ANKRD30BL: variants seen among roughly 807,000 people sequenced by gnomAD.
The protein encoded by ANKRD30BL is putative ankyrin repeat domain-containing protein 30B-like.
ANKRD30BL carries 20 observed loss-of-function variants against 18.4 expected under a neutral mutation model. That is an observed-to-expected ratio of 1.09 (90% CI 0.77 to 1.58). The LOEUF (loss-of-function observed/expected upper bound fraction) is 1.58. Ranked by LOEUF, ANKRD30BL falls within the 40% of genes most tolerant of loss-of-function variation. The pLI, the probability that ANKRD30BL is intolerant of heterozygous loss-of-function variation, is 0.00. For synonymous variants in ANKRD30BL, 72 were observed against 100.9 expected, an observed-to-expected ratio of 0.71 and a Z score of 1.72; for missense variants, 224 against 268.6, an observed-to-expected ratio of 0.83 and a Z score of 1.16.
At position 132,172,850 on chromosome 2, in the gene ANKRD30BL, G is replaced by C. The variant is rs938734199; in HGVS notation, n.442-15704C>G. ...AGCCTCCCAAGTAGCTGGGATTACA[G>C]GTGCACACCACCATGCCCAGCTAAT... is the stretch of plus-strand genomic sequence containing the variant. On this transcript the variant is annotated intron_variant and non_coding_transcript_variant, in intron 1 of 4. Transcript: ENST00000470729. Among the ~76,000 whole-genome samples the C allele has an allele frequency of 2.6e-5, 4 of 151,958 alleles. No homozygotes were observed. In the East Asian group the frequency reaches 7.7e-4, roughly 29 times the overall value.
intron 1 of ANKRD30BL, among the ~76,000 whole-genome samples, chr2:132,249,671 G>A (rs1373357709): frequency 3.3e-5 from 5 of 152,054 alleles, no homozygotes; most frequent in Non-Finnish European, 7.4e-5. Flanking sequence ...TGGCCTCCAA[G>A]TGCTTGCAAA....
rs550003032 is a variant in ANKRD30BL, at chr2:132,201,903, T to G, written n.442-44757A>C. 3.9e-5 allele frequency among the ~76,000 whole-genome samples: 6 copies of G among 152,282 alleles called. No homozygotes were observed. The East Asian group carries it at 1.2e-3, about 29-fold the overall frequency. The stretch of plus-strand genomic sequence containing the variant: ...ACTTGGAACCAACCCAAATGTCCAA[T>G]AATGATAGACTGGATTAAGAAAATG... On this transcript the variant is annotated intron_variant and non_coding_transcript_variant, in intron 1 of 4. Transcript: ENST00000470729.
At chr2:132,213,898 T>G (rs1304988075) in intron 1 of ANKRD30BL, among the ~76,000 whole-genome samples, 1 of 152,110 alleles carries the variant, frequency 6.6e-6, no homozygotes, top group East Asian at 1.9e-4. Context: ...ACATTTCTTT[T>G]GATTAAGCAG....
intron 1 of ANKRD30BL, among the ~76,000 whole-genome samples, chr2:132,227,626 C>G (rs1679882540): frequency 6.6e-6 from 1 of 152,108 alleles, no homozygotes; most frequent in Admixed American, 6.6e-5. Context: ...TTAAAACTTT[C>G]TTTTGATTGG....
At position 132,161,643 on chromosome 2, in the gene ANKRD30BL, G is replaced by A. The variant is rs762693422; in HGVS notation, c.63C>T (p.Phe21=). The change falls in exon 1 of 6, where the codon TTC becomes TTT. Residue 21 remains phenylalanine (F), a synonymous_variant. Coordinates refer to ENST00000409867, the MANE Select transcript of ANKRD30BL (RefSeq NM_001358416.1). The stretch of plus-strand genomic sequence containing the variant: ...CGTTGTTGGTGTAGACCAGCTGACT[G>A]AAGGGGCTCGGGCGCTCTGGGCCCG... ...GQTGPERPSP[F]SQLVYTNNDS... is the part of the protein sequence containing the mutation. 4 of 1,453,032 alleles carry A rather than the reference G, an allele frequency of 2.8e-6. No homozygotes were observed. The South Asian group carries it at 4.9e-5, about 18-fold the overall frequency. 90.0% of individuals were successfully genotyped at this position (1,453,032 alleles called of 1,614,324 possible). A position where few individuals can be genotyped will look rare whatever the true frequency, so the allele number is the denominator to read the frequency against.
intron 1 of ANKRD30BL, among the ~76,000 whole-genome samples, chr2:132,222,550 T>C (rs1157250130): frequency 6.6e-6 from 1 of 152,054 alleles, no homozygotes; most frequent in East Asian, 1.9e-4. Flanking sequence ...AACCCTGTGC[T>C]CTCTGAAACA....
At chr2:132,256,742 C>G (rs77238056) in intron 1 of ANKRD30BL, among the ~76,000 whole-genome samples, 1 of 152,252 alleles carries the variant, frequency 6.6e-6, no homozygotes, top group Non-Finnish European at 1.5e-5. Flanking sequence ...GACCTGGTCC[C>G]GAAGGCGCAC....
intron 1 of ANKRD30BL, among the ~76,000 whole-genome samples, chr2:132,203,462 A>T (rs1679150135): frequency 6.6e-6 from 1 of 152,186 alleles, no homozygotes. Flanking sequence ...TGTTCAATAG[A>T]AACAATGAGA....
At chr2:132,255,941 C>G (rs1573903197) in intron 1 of ANKRD30BL, among the ~76,000 whole-genome samples, 1 of 152,126 alleles carries the variant, frequency 6.6e-6, no homozygotes, top group Non-Finnish European at 1.5e-5. Context: ...CGGCCGGGGA[C>G]GGAGAGGGGC....
intron 1 of ANKRD30BL, among the ~76,000 whole-genome samples, chr2:132,196,591 G>A (rs1334171755): frequency 1.3e-5 from 2 of 152,128 alleles, no homozygotes; most frequent in African/African-American, 4.8e-5. Context: ...TTCTAGACCA[G>A]GCTGACCAAC....
At position 132,237,018 on chromosome 2, in the gene ANKRD30BL, C is replaced by T. The variant is rs1406490441; in HGVS notation, n.441+20511G>A. 9.3e-5 allele frequency among the ~76,000 whole-genome samples: 14 copies of T among 151,124 alleles called. No individual in the cohort carries two copies. In the South Asian group the frequency reaches 1.5e-3, roughly 16 times the overall value. ...GAAATCATCATTCTCAGTAAACTAT[C>T]GCAAGAACAAAAAACCAAACACTGC... On this transcript the variant is annotated intron_variant and non_coding_transcript_variant, in intron 1 of 4. Coordinates refer to the ANKRD30BL transcript ENST00000470729.
intron 1 of ANKRD30BL, among the ~76,000 whole-genome samples, chr2:132,183,695 A>G (rs953782845): frequency 8.5e-5 from 13 of 152,084 alleles, no homozygotes; most frequent in African/African-American, 1.9e-4. Flanking sequence ...GTGTGTGTGT[A>G]TATATGTGTA....
intron 1 of ANKRD30BL, among the ~76,000 whole-genome samples, chr2:132,187,006 C>A (rs1033225624): frequency 8.6e-5 from 13 of 151,778 alleles, no homozygotes; most frequent in Non-Finnish European, 1.6e-4. Flanking sequence ...AAGAATATTT[C>A]TGTGTTGGGA....
At chr2:132,254,709 A>G (rs1573901418) in intron 1 of ANKRD30BL, among the ~76,000 whole-genome samples, 1 of 152,386 alleles carries the variant, frequency 6.6e-6, no homozygotes, top group East Asian at 1.9e-4. Flanking sequence ...ATTTAAGGGC[A>G]TCACAGACCT....
At chr2:132,219,291 C>G (rs1309594967) in intron 1 of ANKRD30BL, among the ~76,000 whole-genome samples, 3 of 149,334 alleles carry the variant, frequency 2.0e-5, no homozygotes, top group Non-Finnish European at 4.4e-5. Flanking sequence ...TGCTTACCAG[C>G]CTTCGCTGGA....
At chr2:132,220,512 C>T (rs1258219277) in intron 1 of ANKRD30BL, among the ~76,000 whole-genome samples, 12 of 152,052 alleles carry the variant, frequency 7.9e-5, no homozygotes, top group East Asian at 1.9e-4. Context: ...TGCAGGCGCG[C>T]GTCGCCACGC....
At chr2:132,241,388 T>C (rs79497008) in intron 1 of ANKRD30BL, among the ~76,000 whole-genome samples, 1 of 151,686 alleles carries the variant, frequency 6.6e-6, no homozygotes, top group Non-Finnish European at 1.5e-5. Flanking sequence ...AACTTCTTTG[T>C]GATGTTTCTA....
intron 1 of ANKRD30BL, among the ~76,000 whole-genome samples, chr2:132,215,553 T>C (rs1281451224): frequency 6.6e-6 from 1 of 152,228 alleles, no homozygotes; most frequent in Admixed American, 6.6e-5. Flanking sequence ...AGAAGCATTC[T>C]GACAAATTAC....
At chr2:132,155,924 G>GAA (rs1392417279) in intron 3 of ANKRD30BL, 1 of 149,434 alleles carries the variant, frequency 6.7e-6, no homozygotes, top group African/African-American at 2.5e-5. Context: ...AAGAAAAAAA[G>GAA]AAAAGAAATT....
Sources: gnomAD v4.1 joint callset for allele counts (sites outside exome capture counted in the v4.1 genomes callset) on GRCh38, gnomAD v4.1.1 for gene constraint, MANE v1.5 for transcripts, NCBI Gene and HGNC (gene_info 2026-07-23, HGNC 2026-07-21) for gene names.